PLEKHM3: variants seen among roughly 807,000 people sequenced by gnomAD.
The protein encoded by PLEKHM3 is pleckstrin homology domain containing M3, also known as pleckstrin homology domain-containing family M member 3.
PLEKHM3 carries 45 observed loss-of-function variants against 81.8 expected under a neutral mutation model. The ratio of observed to expected loss-of-function variants is 0.55; its 90% confidence interval spans 0.43 to 0.71. PLEKHM3 has a LOEUF of 0.71. PLEKHM3 is among the 30% of genes least tolerant of loss of function. The probability of loss-of-function intolerance (pLI) is 0.00; values close to 1 mark genes in which losing one functional copy is unlikely to be tolerated. For missense variants in PLEKHM3, 788 were observed against 924.3 expected, an observed-to-expected ratio of 0.85 and a Z score of 1.91; for synonymous variants, 352 against 356.4, an observed-to-expected ratio of 0.99 and a Z score of 0.14.
intron 7 of PLEKHM3, among the ~76,000 whole-genome samples, chr2:207,836,894 G>A (rs1057404852): frequency 6.6e-6 from 1 of 152,234 alleles, no homozygotes; most frequent in Non-Finnish European, 1.5e-5. Context: ...CTGCAGAGCA[G>A]GGCAGAGCCT....
intron 5 of PLEKHM3, among the ~76,000 whole-genome samples, chr2:207,927,662 T>C (rs935610781): frequency 2.0e-5 from 3 of 151,276 alleles, no homozygotes; most frequent in African/African-American, 7.3e-5. Context: ...AAACCCCGTC[T>C]CTACTAAAAA....
intron 1 of PLEKHM3, among the ~76,000 whole-genome samples, chr2:208,013,161 C>T (rs578106514): frequency 6.6e-6 from 1 of 152,118 alleles, no homozygotes; most frequent in Non-Finnish European, 1.5e-5. Flanking sequence ...TTACTTCAGT[C>T]GAAAGAAATC....
At chr2:207,839,820 G>A (rs1351265097) in intron 7 of PLEKHM3, among the ~76,000 whole-genome samples, 1 of 152,148 alleles carries the variant, frequency 6.6e-6, no homozygotes, top group Non-Finnish European at 1.5e-5. Flanking sequence ...CCAGCTACTG[G>A]GGAGGCTGAA....
intron 3 of PLEKHM3, among the ~76,000 whole-genome samples, chr2:207,954,682 T>G (rs184648937): frequency 6.6e-6 from 1 of 152,352 alleles, no homozygotes; most frequent in Non-Finnish European, 1.5e-5. Flanking sequence ...GTTATTTGGG[T>G]TTTCCCCCTC....
At chr2:207,864,378 C>T (rs1370786757) in intron 6 of PLEKHM3, among the ~76,000 whole-genome samples, 1 of 152,180 alleles carries the variant, frequency 6.6e-6, no homozygotes, top group African/African-American at 2.4e-5. Context: ...CCAGTAAACA[C>T]TTTTTAATGC....
At chr2:207,947,615 T>G (rs1360158117) in intron 3 of PLEKHM3, among the ~76,000 whole-genome samples, 1 of 152,126 alleles carries the variant, frequency 6.6e-6, no homozygotes, top group Non-Finnish European at 1.5e-5. Context: ...TGGCCCATTT[T>G]ATGGTTGGGT....
chr2:207,861,946 T>C (rs902457277), intron 6 of PLEKHM3, among the ~76,000 whole-genome samples: 4 of 152,178 alleles, frequency 2.6e-5, no homozygotes, highest in Non-Finnish European at 4.4e-5. Context: ...TTCAACGTGA[T>C]GATGATCCTG....
chr2:207,884,715 TCTC>T (rs1687832072), intron 6 of PLEKHM3, among the ~76,000 whole-genome samples: 1 of 152,206 alleles, frequency 6.6e-6, no homozygotes, highest in South Asian at 2.1e-4. Flanking sequence ...CAGTTTCTCT[TCTC>T]CTACTAAATA....
chr2:207,973,739 CA>C (rs906510268), intron 3 of PLEKHM3, among the ~76,000 whole-genome samples: 41 of 147,046 alleles, frequency 2.8e-4, no homozygotes, highest in African/African-American at 9.8e-4. Flanking sequence ...AACTCCATCT[CA>C]AAAAAAAAGA....
At chr2:207,844,303 CTTTTTTTTT>C (rs377510756) in intron 7 of PLEKHM3, among the ~76,000 whole-genome samples, 1 of 125,074 alleles carries the variant, frequency 8.0e-6, no homozygotes, top group African/African-American at 2.9e-5. Flanking sequence ...ATTTATTTTT[CTTTTTTTTT>C]TTTTTTTTGA....
chr2:207,916,966 C>A (rs1689013269), intron 5 of PLEKHM3, among the ~76,000 whole-genome samples: 1 of 152,094 alleles, frequency 6.6e-6, no homozygotes, highest in Non-Finnish European at 1.5e-5. Flanking sequence ...GTCTGTAGCA[C>A]CCTTTTACAG....
At chr2:207,904,264 T>C (rs1274273724) in intron 6 of PLEKHM3, among the ~76,000 whole-genome samples, 4 of 152,192 alleles carry the variant, frequency 2.6e-5, no homozygotes, top group Non-Finnish European at 4.4e-5. Context: ...TCTAACAATA[T>C]CTAGTTTGCA....
chr2:207,941,628 C>T (rs1373418366), intron 4 of PLEKHM3, among the ~76,000 whole-genome samples: 1 of 152,108 alleles, frequency 6.6e-6, no homozygotes, highest in African/African-American at 2.4e-5. Flanking sequence ...GGTAGGATTA[C>T]ATCAAGCTAG....
intron 7 of PLEKHM3, among the ~76,000 whole-genome samples, chr2:207,839,222 A>T (rs1287877213): frequency 1.3e-5 from 2 of 152,200 alleles, no homozygotes; most frequent in African/African-American, 4.8e-5. Context: ...ACTAAGTACA[A>T]CCAAAATGAA....
chr2:207,874,505 C>T (rs1026718305), intron 6 of PLEKHM3, among the ~76,000 whole-genome samples: 4 of 151,856 alleles, frequency 2.6e-5, no homozygotes, highest in African/African-American at 4.8e-5. Context: ...ACCTGGGAGG[C>T]GGAGGTTGCG....
chr2:207,829,593 ATGAG>A (rs1037348925), intron 7 of PLEKHM3, among the ~76,000 whole-genome samples: 98 of 152,190 alleles, frequency 6.4e-4, no homozygotes, highest in Middle Eastern at 6.8e-3. Context: ...GCTTTTAATA[ATGAG>A]TAACTGACAA....
intron 7 of PLEKHM3, among the ~76,000 whole-genome samples, chr2:207,848,794 C>T (rs1382337426): frequency 1.3e-5 from 2 of 152,146 alleles, no homozygotes; most frequent in African/African-American, 2.4e-5. Context: ...AAACGTTGAG[C>T]GTGTTGGGAG....
intron 6 of PLEKHM3, among the ~76,000 whole-genome samples, chr2:207,888,403 CT>C (rs1559222619): frequency 6.6e-6 from 1 of 151,716 alleles, no homozygotes; most frequent in African/African-American, 2.4e-5. Context: ...TACTCTAGTT[CT>C]TTTTTTCTTT....
intron 2 of PLEKHM3, among the ~76,000 whole-genome samples, chr2:207,983,500 C>T (rs918530372): frequency 6.6e-6 from 1 of 151,970 alleles, no homozygotes; most frequent in African/African-American, 2.4e-5. Flanking sequence ...ATCACCATTT[C>T]CCCAAAGAAA....
Sources: allele counts gnomAD v4.1 joint callset (sites outside exome capture counted in the v4.1 genomes callset), GRCh38; gene constraint gnomAD v4.1.1; transcripts MANE v1.5; gene names NCBI Gene and HGNC (gene_info 2026-07-23, HGNC 2026-07-21).